The following CFHR5 variants were observed in gnomAD, a reference collection of about 807,000 sequenced individuals.
CFHR5 encodes complement factor H-related protein 5.
Under a neutral mutation model 62.9 loss-of-function variants are expected in CFHR5, and 73 were observed. That is an observed-to-expected ratio of 1.16 (90% CI 0.96 to 1.41). The LOEUF is 1.41. Ranked by LOEUF, CFHR5 falls within the 40% of genes most tolerant of loss-of-function variation. The pLI is 0.00. For synonymous variants in CFHR5, 249 were observed against 227.2 expected, an observed-to-expected ratio of 1.10 and a Z score of -0.86; for missense variants, 779 against 679.9, an observed-to-expected ratio of 1.15 and a Z score of -1.62.
At chr1:196,990,078 A>T (rs1171339288) in intron 3 of CFHR5, among the ~76,000 whole-genome samples, 1 of 152,034 alleles carries the variant, frequency 6.6e-6, no homozygotes, top group Non-Finnish European at 1.5e-5. Context: ...TATATTTCGG[A>T]TAGTTAGCTC....
Position 196,984,113 on chromosome 1 carries a change from A to G in CFHR5, c.406A>G (p.Thr136Ala). Residue 136 changes from threonine (T) to alanine (A), a missense_variant, in exon 3 of 10, where the codon ACT becomes GCT. By Grantham distance (58) the Thr-to-Ala change is moderately conservative. Coordinates refer to ENST00000256785, the MANE Select transcript of CFHR5 (RefSeq NM_030787.4). ...TTCGTGTGTAGAACGGGGCTGGTCC[A>G]CTCCTCCCATATGCAGCTTCACTAG... ...NISCVERGWS[T>A]PPICSFTKGE... 6.2e-7 allele frequency: 1 copy of G among 1,612,046 alleles called. No homozygotes were observed. The highest frequency in any genetic ancestry group is 1.1e-5 in the South Asian group (1 of 90,946).
chr1:197,008,828 C>A lies in CFHR5; in HGVS notation c.*145C>A. Reference sequence around the variant, plus strand: ...TATTTAGAACTCTGGATTTTTAGAGCTTTAGAAATTTGTAAGCTGAGAGAA... The same window carrying A: ...TATTTAGAACTCTGGATTTTTAGAGATTTAGAAATTTGTAAGCTGAGAGAA... On this transcript the variant is annotated 3_prime_UTR_variant, in exon 10 of 10. Transcript: ENST00000256785. The A allele has an allele frequency of 1.4e-6, 1 of 707,030 alleles. No homozygotes were observed. The highest frequency in any genetic ancestry group is 2.5e-6 in the Non-Finnish European group (1 of 408,048). The allele number at this position is 707,030 out of a possible 1,614,324, so 43.8% of individuals were successfully genotyped here. A position where few individuals can be genotyped will look rare whatever the true frequency, so the allele number is the denominator to read the frequency against.
intron 3 of CFHR5, among the ~76,000 whole-genome samples, chr1:196,986,612 T>A (rs1653688867): frequency 6.6e-6 from 1 of 152,006 alleles, no homozygotes; most frequent in South Asian, 2.1e-4. Flanking sequence ...AGTGAGAACA[T>A]GCAGTGTTTG....
chr1:196,993,056 A>T (rs1653887516), intron 3 of CFHR5, among the ~76,000 whole-genome samples: 1 of 152,196 alleles, frequency 6.6e-6, no homozygotes, highest in Admixed American at 6.5e-5. Flanking sequence ...TAAATGAGAA[A>T]AACACACATA....
In CFHR5 at chr1:197,002,511, C is replaced by T. The variant is rs778727030; in HGVS notation, c.1177C>T (p.Pro393Ser). The change falls in exon 8 of 10, where the codon CCT becomes TCT. Residue 393 changes from proline to serine, a missense_variant. Transcript: ENST00000256785. ...AAGGGAACAATTCTGCCCACCGCCA[C>T]CTCAGATACCTAATGCTCAGAATAT... is the stretch of plus-strand genomic sequence containing the variant. ...EKREQFCPPPPQIPNAQNMTT... is the reference protein window; with the variant it reads ...EKREQFCPPPSQIPNAQNMTT... 3 of 1,613,370 alleles carry T rather than the reference C, an allele frequency of 1.9e-6. No homozygotes were observed. Among genetic ancestry groups the T allele is most frequent in the Middle Eastern group, 1.6e-4 (1 of 6,074 alleles).
chr1:196,999,722 T>TATATATATACACAC (rs1164729053), intron 7 of CFHR5, among the ~76,000 whole-genome samples: 27 of 116,126 alleles, frequency 2.3e-4, no homozygotes, highest in African/African-American at 8.7e-4. Flanking sequence ...TATATATATA[T>TATATATATACACAC]ACACACACAC....
chr1:197,000,275 C>T (rs1654117766), intron 7 of CFHR5, among the ~76,000 whole-genome samples: 1 of 151,984 alleles, frequency 6.6e-6, no homozygotes, highest in African/African-American at 2.4e-5. Flanking sequence ...TGTTACACAC[C>T]TTGCTTGTTC....
intron 1 of CFHR5, among the ~76,000 whole-genome samples, chr1:196,982,341 C>T (rs1170883): frequency 0.18 from 27,046 of 152,064 alleles, 4,076 homozygotes; most frequent in African/African-American, 0.42. Flanking sequence ...GTTCATATTT[C>T]ATATCATTCC....
intron 9 of CFHR5, among the ~76,000 whole-genome samples, chr1:197,005,846 C>A (rs1654272578): frequency 6.6e-6 from 1 of 152,250 alleles, no homozygotes; most frequent in East Asian, 1.9e-4. Context: ...ACCCCAATGC[C>A]ACTATGGCCT....
intron 3 of CFHR5, among the ~76,000 whole-genome samples, chr1:196,992,374 C>T (rs1446944064): frequency 6.6e-6 from 1 of 152,066 alleles, no homozygotes; most frequent in Non-Finnish European, 1.5e-5. Flanking sequence ...TTTCTAAGAC[C>T]ACTGGAAAAG....
At chr1:197,004,239 A>G (rs75166735) in intron 8 of CFHR5, among the ~76,000 whole-genome samples, 2,839 of 152,296 alleles carry the variant, frequency 0.019, 92 homozygotes, top group African/African-American at 0.064. Flanking sequence ...AATGCAGAAG[A>G]GTGTGTCTGC....
intron 1 of CFHR5, among the ~76,000 whole-genome samples, chr1:196,979,791 C>A (rs907925414): frequency 6.6e-6 from 1 of 151,794 alleles, no homozygotes; most frequent in African/African-American, 2.4e-5. Context: ...TGGATAAGTT[C>A]TTTAGTGCTA....
At chr1:196,998,488 C>T (rs1367993706) in intron 7 of CFHR5, among the ~76,000 whole-genome samples, 184 bp downstream of exon 7, 3 of 151,954 alleles carry the variant, frequency 2.0e-5, no homozygotes, top group Non-Finnish European at 4.4e-5. Flanking sequence ...CCTTGGCTTT[C>T]TGGTAAAGAT....
Position 196,984,919 on chromosome 1 carries a change from C to T in CFHR5, c.430+782C>T, listed in dbSNP as rs149521927. On this transcript the variant is annotated intron_variant, in intron 3 of 9. Transcript: ENST00000256785. ...GTTCTTCCTGGGTTCTCCCTCCTTG[C>T]ACAGTCTAGAAAAGGCTTCCCAATA... Among the ~76,000 whole-genome samples the T allele has an allele frequency of 1.7e-3, 261 of 152,296 alleles. 2 individuals carry two copies. Among genetic ancestry groups the T allele is most frequent in the African/African-American group, 6.2e-3 (258 of 41,570 alleles).
At chr1:196,975,228 C>T (rs1441887043), upstream of CFHR5, among the ~76,000 whole-genome samples, 2 of 151,930 alleles carry the variant, frequency 1.3e-5, no homozygotes, top group African/African-American at 2.4e-5. Flanking sequence ...GGGGTTTAAG[C>T]GTAGTGTTGG....
chr1:197,005,926 T>C (rs1654276305), intron 9 of CFHR5, among the ~76,000 whole-genome samples: 1 of 152,194 alleles, frequency 6.6e-6, no homozygotes, highest in Non-Finnish European at 1.5e-5. Flanking sequence ...GTGTGGGAAC[T>C]GAACTCAGAA....
intron 3 of CFHR5, 34 bp from the exon 4 acceptor site, chr1:196,994,046 A>C: frequency 2.6e-6 from 4 of 1,547,746 alleles, no homozygotes; most frequent in Non-Finnish European, 2.7e-6. Flanking sequence ...TCTGCAATGA[A>C]AATTCACATA....
intron 3 of CFHR5, among the ~76,000 whole-genome samples, chr1:196,993,483 G>T (rs369769381): frequency 6.6e-6 from 1 of 152,042 alleles, no homozygotes. Context: ...TTTCAGTAGA[G>T]GCAGGGTTTC....
chr1:197,006,443 G>A (rs1446500321), intron 9 of CFHR5, among the ~76,000 whole-genome samples: 2 of 152,118 alleles, frequency 1.3e-5, no homozygotes, highest in Admixed American at 6.5e-5. Context: ...AGGCATGGTG[G>A]CTCACGCCTG....
Sources: gnomAD v4.1 joint callset for allele counts (sites outside exome capture counted in the v4.1 genomes callset) on GRCh38, gnomAD v4.1.1 for gene constraint, MANE v1.5 for transcripts, NCBI Gene and HGNC (gene_info 2026-07-23, HGNC 2026-07-21) for gene names.